Variants in KIF26B observed in about 807,000 individuals in gnomAD.
KIF26B encodes the protein kinesin-like protein KIF26B.
KIF26B carries 63 observed loss-of-function variants against 151.2 expected under a neutral mutation model. The ratio of observed to expected loss-of-function variants is 0.42; its 90% CI spans 0.34 to 0.51. KIF26B has a LOEUF of 0.51. Ranked by LOEUF, KIF26B falls within the 20% of genes least tolerant of loss-of-function variation. The pLI, the probability that KIF26B is intolerant of heterozygous loss-of-function variation, is 0.07. For missense variants in KIF26B, 2,813 were observed against 2,913.6 expected (o/e 0.97, Z 0.79); for synonymous variants, 1,357 against 1,262.1 (o/e 1.08, Z -1.59).
chr1:245,213,561 AAAG>A (rs544787510), intron 2 of KIF26B, among the ~76,000 whole-genome samples: 123 of 152,306 alleles, frequency 8.1e-4, no homozygotes, highest in Admixed American at 4.8e-3. Flanking sequence ...ACAGAGAAGA[AAAG>A]AAGGGCGTGG....
At chr1:245,611,756 C>T in intron 8 of KIF26B, 37 bp from the exon 9 acceptor site, 1 of 1,596,026 alleles carries the variant, frequency 6.3e-7, no homozygotes, top group Non-Finnish European at 8.5e-7. Context: ...AAGCCCTCCT[C>T]AGCCTGCAGC....
intron 9 of KIF26B, among the ~76,000 whole-genome samples, chr1:245,639,284 A>G: frequency 6.6e-6 from 1 of 151,816 alleles, no homozygotes; most frequent in East Asian, 1.9e-4. Flanking sequence ...ATGGTCGCTA[A>G]TGATCCTTTG....
intron 5 of KIF26B, among the ~76,000 whole-genome samples, chr1:245,590,121 G>A (rs1474042747): frequency 3.9e-5 from 6 of 151,984 alleles, no homozygotes; most frequent in Non-Finnish European, 7.4e-5. Flanking sequence ...GCTGGGCCCC[G>A]CGGGGTCGGG....
At chr1:245,561,984 C>T (rs550285144) in intron 5 of KIF26B, among the ~76,000 whole-genome samples, 7 of 152,254 alleles carry the variant, frequency 4.6e-5, no homozygotes, top group South Asian at 4.1e-4. Context: ...GAAGGGCACT[C>T]TTCAGTGGTT....
At chr1:245,482,838 C>T (rs1262856043) in intron 4 of KIF26B, among the ~76,000 whole-genome samples, 1 of 151,796 alleles carries the variant, frequency 6.6e-6, no homozygotes. Flanking sequence ...TTGTAAGAAG[C>T]CAGTGGAGAC....
intron 2 of KIF26B, among the ~76,000 whole-genome samples, chr1:245,341,984 A>C (rs192824945): frequency 1.2e-3 from 179 of 152,216 alleles, no homozygotes; most frequent in African/African-American, 4.2e-3. Flanking sequence ...TCAGTTCTGG[A>C]TTTTCAAATT....
intron 4 of KIF26B, among the ~76,000 whole-genome samples, chr1:245,480,288 GA>G (rs914696484): frequency 4.0e-5 from 6 of 150,842 alleles, no homozygotes; most frequent in South Asian, 2.1e-4. Context: ...GGGGAGGAAA[GA>G]AAAAAAACTG....
intron 5 of KIF26B, among the ~76,000 whole-genome samples, chr1:245,576,674 T>C (rs1224355739): frequency 6.6e-6 from 1 of 152,200 alleles, no homozygotes; most frequent in Admixed American, 6.5e-5. Context: ...TTCATTTCAG[T>C]AGGGCTTGGG....
chr1:245,303,289 C>T (rs535784053), intron 2 of KIF26B, among the ~76,000 whole-genome samples: 1 of 149,424 alleles, frequency 6.7e-6, no homozygotes, highest in African/African-American at 2.5e-5. Context: ...AGCTCCGCCT[C>T]CCGGGTTCAC....
rs548521748 is a variant in KIF26B at position 245,419,822 on chromosome 1, G to A, written c.1166+77G>A. ...GCCCCTCACGTGGACTAGCTCAGCTGAAACACTAGAAAGAGTTTGGGGCCG... is the reference window on the plus strand; with the variant it reads ...GCCCCTCACGTGGACTAGCTCAGCTAAAACACTAGAAAGAGTTTGGGGCCG... On this transcript the variant is annotated intron_variant, in intron 4 of 14. Coordinates refer to ENST00000407071, the MANE Select transcript of KIF26B (RefSeq NM_018012.4). The A allele has an allele frequency of 7.8e-4, 1,033 of 1,317,254 alleles. 11 individuals carry two copies. In the South Asian group the frequency reaches 0.014, roughly 18 times the overall value. 81.6% of individuals were successfully genotyped at this position (1,317,254 alleles called of 1,614,324 possible). A position where few individuals can be genotyped will look rare whatever the true frequency, so the allele number is the denominator to read the frequency against.
chr1:245,677,861 C>T (rs2044374899), intron 10 of KIF26B, among the ~76,000 whole-genome samples: 1 of 152,234 alleles, frequency 6.6e-6, no homozygotes, highest in Non-Finnish European at 1.5e-5. Context: ...ATAATAAAGA[C>T]ACTTACTTGA....
At chr1:245,302,988 C>CAAAAAAAAAAAAAA (rs74163037) in intron 2 of KIF26B, among the ~76,000 whole-genome samples, 9 of 35,812 alleles carry the variant, frequency 2.5e-4, no homozygotes, top group East Asian at 1.1e-3. Context: ...GACTCTGTCT[C>CAAAAAAAAAAAAAA]AAAAAAAAAA....
chr1:245,592,049 C>T (rs534660641), intron 5 of KIF26B, among the ~76,000 whole-genome samples: 6 of 152,318 alleles, frequency 3.9e-5, no homozygotes, highest in South Asian at 2.1e-4. Context: ...CTCCGCTCCC[C>T]GAAGCGCTTC....
At chr1:245,446,809 A>G (rs1482292070) in intron 4 of KIF26B, among the ~76,000 whole-genome samples, 3 of 152,194 alleles carry the variant, frequency 2.0e-5, no homozygotes, top group African/African-American at 7.2e-5. Context: ...GCATCAAAAT[A>G]GAACTCTGGC....
intron 4 of KIF26B, among the ~76,000 whole-genome samples, chr1:245,524,783 A>G (rs74154416): frequency 0.055 from 8,423 of 152,224 alleles, 689 homozygotes; most frequent in African/African-American, 0.18. Flanking sequence ...TCTCAAAAGA[A>G]TAGCCGAGGC....
chr1:245,342,918 T>C (rs1442921972), intron 2 of KIF26B, among the ~76,000 whole-genome samples: 1 of 152,050 alleles, frequency 6.6e-6, no homozygotes, highest in East Asian at 1.9e-4. Flanking sequence ...AAACCCCGTC[T>C]CTGCTAAAAA....
intron 3 of KIF26B, among the ~76,000 whole-genome samples, chr1:245,385,947 T>G (rs1281496939): frequency 1.3e-5 from 2 of 152,118 alleles, no homozygotes; most frequent in Non-Finnish European, 2.9e-5. Flanking sequence ...GAGACTCTGG[T>G]TTCTGTGCCA....
chr1:245,436,776 C>T (rs1658944314), intron 4 of KIF26B, among the ~76,000 whole-genome samples: 1 of 152,120 alleles, frequency 6.6e-6, no homozygotes, highest in Non-Finnish European at 1.5e-5. Context: ...CCTCAAGAAT[C>T]AGCACTAGGT....
intron 3 of KIF26B, among the ~76,000 whole-genome samples, chr1:245,387,251 G>C (rs919192800): frequency 3.4e-5 from 5 of 148,852 alleles, no homozygotes; most frequent in African/African-American, 1.2e-4. Flanking sequence ...TGCAACCTCT[G>C]CCTCCCCAGT....
Sources: gnomAD v4.1 joint callset for allele counts (sites outside exome capture counted in the v4.1 genomes callset) on GRCh38, gnomAD v4.1.1 for gene constraint, MANE v1.5 for transcripts, NCBI Gene and HGNC (gene_info 2026-07-23, HGNC 2026-07-21) for gene names.